The following NTNG1 variants were observed in gnomAD, a reference collection of about 807,000 sequenced individuals.
The protein encoded by NTNG1 is netrin G1, also known as netrin-G1.
NTNG1 carries 16 observed loss-of-function variants against 54.0 expected under a neutral mutation model. The observed-to-expected ratio is 0.30, with a 90% CI of 0.20 to 0.45. The LOEUF is 0.45. Among genes scored for constraint, NTNG1 ranks in the 20% least tolerant of loss-of-function variants. The probability of loss-of-function intolerance (pLI) is 1.00; values close to 1 mark genes in which losing one functional copy is unlikely to be tolerated. For synonymous variants in NTNG1, 255 were observed against 263.1 expected (o/e 0.97, Z 0.30); for missense variants, 530 against 678.7 (o/e 0.78, Z 2.43).
At chr1:107,359,288 A>C (rs1670125398) in intron 3 of NTNG1, among the ~76,000 whole-genome samples, 1 of 152,200 alleles carries the variant, frequency 6.6e-6, no homozygotes, top group Admixed American at 6.5e-5. Flanking sequence ...ATGATTGTGA[A>C]TCACAGCCTG....
chr1:107,386,106 T>C (rs937401877), intron 3 of NTNG1, among the ~76,000 whole-genome samples: 2 of 147,090 alleles, frequency 1.4e-5, no homozygotes, highest in Non-Finnish European at 1.5e-5. Flanking sequence ...TATATATATA[T>C]ACACATATAT....
At chr1:107,397,604 CAT>C (rs1414934206) in intron 4 of NTNG1, among the ~76,000 whole-genome samples, 1 of 152,124 alleles carries the variant, frequency 6.6e-6, no homozygotes, top group Non-Finnish European at 1.5e-5. Context: ...TAACGCATGT[CAT>C]ATGTTTAGCC....
intron 7 of NTNG1, among the ~76,000 whole-genome samples, chr1:107,447,228 T>C (rs1010877397): frequency 6.6e-6 from 1 of 152,112 alleles, no homozygotes; most frequent in African/African-American, 2.4e-5. Flanking sequence ...GGACTTAGCC[T>C]ATGTGTTAAC....
intron 2 of NTNG1, among the ~76,000 whole-genome samples, chr1:107,266,776 T>G (rs1415442864): frequency 6.6e-6 from 1 of 152,004 alleles, no homozygotes; most frequent in Non-Finnish European, 1.5e-5. Context: ...TTCAGACCTG[T>G]AAAGAGCTGT....
At chr1:107,201,710 C>G (rs1658770093) in intron 2 of NTNG1, among the ~76,000 whole-genome samples, 1 of 151,866 alleles carries the variant, frequency 6.6e-6, no homozygotes, top group Non-Finnish European at 1.5e-5. Flanking sequence ...AATTTCTACC[C>G]TAGGCAGGCA....
chr1:107,473,912 A>G (rs993122543), intron 7 of NTNG1, among the ~76,000 whole-genome samples: 1 of 152,188 alleles, frequency 6.6e-6, no homozygotes, highest in African/African-American at 2.4e-5. Flanking sequence ...TATCTGTCAA[A>G]TTCCACAAAT....
intron 2 of NTNG1, among the ~76,000 whole-genome samples, chr1:107,268,806 T>C (rs541737084): frequency 6.6e-6 from 1 of 152,194 alleles, no homozygotes; most frequent in South Asian, 2.1e-4. Flanking sequence ...ATTCTGCCAA[T>C]TGCTTAGGCC....
chr1:107,173,270 C>CT (rs1656391610), intron 2 of NTNG1, among the ~76,000 whole-genome samples: 2 of 151,984 alleles, frequency 1.3e-5, no homozygotes. Context: ...TGTTTTGTTC[C>CT]TTTTTTCCTT....
intron 2 of NTNG1, among the ~76,000 whole-genome samples, chr1:107,317,958 A>G (rs1241394256): frequency 2.0e-5 from 3 of 152,196 alleles, no homozygotes; most frequent in Non-Finnish European, 4.4e-5. Flanking sequence ...CATATTTTCC[A>G]AACCAAAATT....
At chr1:107,181,697 G>T (rs4385741) in intron 2 of NTNG1, among the ~76,000 whole-genome samples, 102,768 of 151,972 alleles carry the variant, frequency 0.68, 39,092 homozygotes, top group Middle Eastern at 0.85. Flanking sequence ...GCTGTACTGC[G>T]CTTCTTAATG....
At position 107,148,194 on chromosome 1, in the gene NTNG1, G is replaced by C. The variant is rs17018471; in HGVS notation, c.-400G>C. ...GCATCCCTTGTGAGCTGTGAACATT[G>C]AGGATCACTCAGGGTTATCGGATGT... On this transcript the variant is annotated 5_prime_UTR_variant, in exon 2 of 8. Transcript: ENST00000370068. The C allele has an allele frequency of 0.026, 4,370 of 167,706 alleles. 111 individuals carry two copies. The highest frequency in any genetic ancestry group is 0.079 in the East Asian group (470 of 5,946). The allele number at this position is 167,706 out of a possible 1,614,324, so 10.4% of individuals were successfully genotyped here.
chr1:107,377,805 G>A (rs1263628493), intron 3 of NTNG1, among the ~76,000 whole-genome samples: 1 of 152,226 alleles, frequency 6.6e-6, no homozygotes, highest in Non-Finnish European at 1.5e-5. Flanking sequence ...TGCAAACGAG[G>A]CATCAGACTT....
At chr1:107,389,179 C>A (rs1049850042) in intron 3 of NTNG1, among the ~76,000 whole-genome samples, 1 of 152,222 alleles carries the variant, frequency 6.6e-6, no homozygotes, top group Non-Finnish European at 1.5e-5. Context: ...CCTGAAAGGG[C>A]CCCGAAGCTA....
intron 7 of NTNG1, among the ~76,000 whole-genome samples, chr1:107,460,862 G>T (rs143112193): frequency 6.6e-6 from 1 of 152,136 alleles, no homozygotes; most frequent in East Asian, 1.9e-4. Flanking sequence ...TGGCAGCCCC[G>T]TGTACTGGGC....
intron 7 of NTNG1, among the ~76,000 whole-genome samples, chr1:107,473,361 G>C (rs1002903532): frequency 1.3e-5 from 2 of 152,092 alleles, no homozygotes; most frequent in Non-Finnish European, 2.9e-5. Flanking sequence ...ATGACCTTAG[G>C]GGAACAAGTG....
At position 107,238,366 on chromosome 1, in the gene NTNG1, C is replaced by T. The variant is rs777409112; in HGVS notation, c.247-85916C>T. Among the ~76,000 whole-genome samples the T allele has an allele frequency of 8.8e-4, 134 of 152,074 alleles. 1 individual carries two copies. The highest frequency in any genetic ancestry group is 5.1e-4 in the Non-Finnish European group (35 of 68,014). On this transcript the variant is annotated intron_variant, in intron 2 of 7. Transcript: ENST00000370068. ...TTGCTTTTGATTTTACAGACTCATA[C>T]TTGCCTTGTCTTGGATGAGACTTTG...
intron 2 of NTNG1, among the ~76,000 whole-genome samples, chr1:107,177,200 C>T (rs1336752219): frequency 6.6e-6 from 1 of 152,166 alleles, no homozygotes; most frequent in Non-Finnish European, 1.5e-5. Flanking sequence ...GCCCTAACTG[C>T]CCTTACCCTG....
intron 3 of NTNG1, among the ~76,000 whole-genome samples, chr1:107,335,565 T>C (rs190709946): frequency 7.9e-5 from 12 of 152,070 alleles, no homozygotes; most frequent in African/African-American, 2.9e-4. Context: ...GTGAGGCTAA[T>C]TATGAGAAGG....
intron 3 of NTNG1, among the ~76,000 whole-genome samples, chr1:107,368,467 T>G (rs1048180601): frequency 6.6e-6 from 1 of 152,202 alleles, no homozygotes; most frequent in Non-Finnish European, 1.5e-5. Context: ...GTTGACTAAC[T>G]TATGTAAAGT....
Sources: gnomAD v4.1 joint callset for allele counts (sites outside exome capture counted in the v4.1 genomes callset) on GRCh38, gnomAD v4.1.1 for gene constraint, MANE v1.5 for transcripts, NCBI Gene and HGNC (gene_info 2026-07-23, HGNC 2026-07-21) for gene names.